CFHR5: variants seen among roughly 807,000 people sequenced by gnomAD.
The protein encoded by CFHR5 is complement factor H-related protein 5.
CFHR5 carries 73 observed loss-of-function variants against 62.9 expected under a neutral mutation model. That is an observed-to-expected ratio of 1.16 (90% CI 0.96 to 1.41). The LOEUF is 1.41. Among genes scored for constraint, CFHR5 ranks in the 40% most tolerant of loss-of-function variants. The pLI is 0.00. For missense variants in CFHR5, 779 were observed against 679.9 expected, an observed-to-expected ratio of 1.15 and a Z score of -1.62; for synonymous variants, 249 against 227.2, an observed-to-expected ratio of 1.10 and a Z score of -0.86.
At chr1:196,975,796 T>C (rs952560507), upstream of CFHR5, among the ~76,000 whole-genome samples, 1 of 152,200 alleles carries the variant, frequency 6.6e-6, no homozygotes, top group African/African-American at 2.4e-5. Context: ...AGACACACTC[T>C]GCTGCTTCAA....
chr1:196,992,423 C>G (rs184916629), intron 3 of CFHR5, among the ~76,000 whole-genome samples: 13 of 152,172 alleles, frequency 8.5e-5, no homozygotes. Context: ...TTTCCAGGTA[C>G]AGTCTGTCAG....
intron 1 of CFHR5, among the ~76,000 whole-genome samples, chr1:196,979,866 A>G (rs1400149061): frequency 6.6e-6 from 1 of 152,140 alleles, no homozygotes; most frequent in Non-Finnish European, 1.5e-5. Context: ...CTTCAATAAT[A>G]AATTAATTTA....
chr1:196,989,565 T>C (rs548385980), intron 3 of CFHR5, among the ~76,000 whole-genome samples: 29 of 152,278 alleles, frequency 1.9e-4, no homozygotes, highest in Admixed American at 4.6e-4. Context: ...TTCTGGTAAG[T>C]TGTGGCTTTG....
intron 3 of CFHR5, 97 bp downstream of exon 3, chr1:196,984,234 T>G: frequency 9.8e-7 from 1 of 1,019,164 alleles, no homozygotes; most frequent in South Asian, 1.4e-5. Flanking sequence ...GTTTCACCAC[T>G]ACTTCTATCA....
chr1:196,983,959 A>G lies in CFHR5; in HGVS notation c.254-2A>G. ...GTACATTAATCAATTTTTGTTCCTT[A>G]GGAATGTGTTCCTTTCCTTTTGTGA... On this transcript the variant is annotated splice_acceptor_variant, in intron 2 of 9. Coordinates refer to ENST00000256785, the MANE Select transcript of CFHR5 (RefSeq NM_030787.4). LOFTEE classifies it high-confidence loss of function. 6.2e-7 allele frequency: 1 copy of G among 1,606,794 alleles called. No homozygotes were observed. Among genetic ancestry groups the G allele is most frequent in the Non-Finnish European group, 8.5e-7 (1 of 1,175,352 alleles).
chr1:197,001,257 CT>C (rs1204296255), intron 7 of CFHR5, among the ~76,000 whole-genome samples: 1 of 152,064 alleles, frequency 6.6e-6, no homozygotes, highest in Non-Finnish European at 1.5e-5. Flanking sequence ...GGAACAGTTT[CT>C]GTTTAGATTT....
chr1:196,993,619 CA>C (rs1653907945), intron 3 of CFHR5, among the ~76,000 whole-genome samples: 2 of 152,084 alleles, frequency 1.3e-5, no homozygotes, highest in Admixed American at 6.5e-5. Context: ...TTTTATACAT[CA>C]TTTTTTTTAT....
At chr1:197,001,977 A>T (rs1654165387) in intron 7 of CFHR5, among the ~76,000 whole-genome samples, 1 of 152,150 alleles carries the variant, frequency 6.6e-6, no homozygotes, top group East Asian at 1.9e-4. Flanking sequence ...CAACGGAGGC[A>T]TTCCAGTTAT....
chr1:196,999,351 C>T (rs1311615065), intron 7 of CFHR5, among the ~76,000 whole-genome samples: 5 of 151,582 alleles, frequency 3.3e-5, no homozygotes, highest in Admixed American at 6.6e-5. Context: ...AAGTTTGAAG[C>T]CTTTTATGTG....
At chr1:197,005,802 T>C (rs1654271901) in intron 9 of CFHR5, among the ~76,000 whole-genome samples, 2 of 152,034 alleles carry the variant, frequency 1.3e-5, no homozygotes, top group Admixed American at 1.3e-4. Context: ...CTTCTGACGA[T>C]GTCTCTTTCT....
chr1:196,981,364 A>G (rs908231778), intron 1 of CFHR5, among the ~76,000 whole-genome samples: 4 of 152,086 alleles, frequency 2.6e-5, no homozygotes, highest in African/African-American at 9.7e-5. Context: ...TTTAATGACA[A>G]TAATACTGAT....
chr1:196,988,917 A>G (rs1209712045), intron 3 of CFHR5, among the ~76,000 whole-genome samples: 2 of 151,958 alleles, frequency 1.3e-5, no homozygotes, highest in Admixed American at 6.6e-5. Context: ...CTCTTTTTCT[A>G]TTGATTGGAA....
Position 196,983,955 on chromosome 1 carries a change from C to T in CFHR5, c.254-6C>T, listed in dbSNP as rs1222622334. On this transcript the variant is annotated splice_region_variant and splice_polypyrimidine_tract_variant and intron_variant, in intron 2 of 9. Transcript: ENST00000256785. ...TCTTGTACATTAATCAATTTTTGTTCCTTAGGAATGTGTTCCTTTCCTTTT... is the reference window on the plus strand; with the variant it reads ...TCTTGTACATTAATCAATTTTTGTTTCTTAGGAATGTGTTCCTTTCCTTTT... The T allele has an allele frequency of 1.2e-6, 2 of 1,602,632 alleles. No individual in the cohort carries two copies. The highest frequency in any genetic ancestry group is 2.2e-5 in the East Asian group (1 of 44,746).
intron 3 of CFHR5, among the ~76,000 whole-genome samples, chr1:196,991,295 G>A (rs545402321): frequency 1.3e-5 from 2 of 152,132 alleles, no homozygotes; most frequent in South Asian, 4.2e-4. Flanking sequence ...TAGCTTCCTT[G>A]CGATGGGTTC....
chr1:196,991,365 G>A (rs781204843), intron 3 of CFHR5, among the ~76,000 whole-genome samples: 6 of 152,032 alleles, frequency 3.9e-5, no homozygotes, highest in African/African-American at 9.7e-5. Context: ...GCCTACTTCC[G>A]TCAGCTTATC....
In CFHR5 at chr1:197,008,858, G is replaced by A. The variant is rs907442446; in HGVS notation, c.*175G>A. Reference sequence around the variant, plus strand: ...GAAATTTGTAAGCTGAGAGAACAATGTTTCACTTAATAGGAGGGTGTCTTA... The same window carrying A: ...GAAATTTGTAAGCTGAGAGAACAATATTTCACTTAATAGGAGGGTGTCTTA... On this transcript the variant is annotated 3_prime_UTR_variant, in exon 10 of 10. Transcript: ENST00000256785. 4.8e-6 allele frequency: 3 copies of A among 619,890 alleles called. No homozygotes were observed. Among genetic ancestry groups the A allele is most frequent in the Non-Finnish European group, 8.6e-6 (3 of 347,966 alleles). The allele number at this position is 619,890 out of a possible 1,614,324, so 38.4% of individuals were successfully genotyped here. A position where few individuals can be genotyped will look rare whatever the true frequency, so the allele number is the denominator to read the frequency against.
rs1389899448 is a variant in CFHR5 at position 196,994,164 on chromosome 1, A to C, written c.515A>C (p.Lys172Thr). The C allele has an allele frequency of 6.2e-7, 1 of 1,613,602 alleles. No homozygotes were observed. Among genetic ancestry groups the C allele is most frequent in the South Asian group, 1.1e-5 (1 of 91,032 alleles). ...AGCTACAAAGTTGGAGACGTGTTGA[A>C]ATTCTCCTGCAGAAAAAATCTTATA... ...KESYKVGDVL[K>T]FSCRKNLIRV... The change falls in exon 4 of 10, where the codon AAA becomes ACA. Residue 172 changes from lysine (K) to threonine (T), a missense_variant. Physicochemically the swap from Lys to Thr is moderately conservative, Grantham distance 78. Transcript: ENST00000256785.
intron 1 of CFHR5, among the ~76,000 whole-genome samples, chr1:196,981,125 GA>G (rs2125025723): frequency 6.6e-6 from 1 of 152,204 alleles, no homozygotes; most frequent in Non-Finnish European, 1.5e-5. Context: ...TTAAAAAAGA[GA>G]AATTTCCCTT....
chr1:196,976,867 C>T (rs1264940348), upstream of CFHR5, among the ~76,000 whole-genome samples: 3 of 141,126 alleles, frequency 2.1e-5, no homozygotes, highest in South Asian at 4.5e-4. Flanking sequence ...TGCAGTGGCG[C>T]GATCTCCACT....
Sources: allele counts gnomAD v4.1 joint callset (sites outside exome capture counted in the v4.1 genomes callset), GRCh38; gene constraint gnomAD v4.1.1; transcripts MANE v1.5; gene names NCBI Gene and HGNC (gene_info 2026-07-23, HGNC 2026-07-21).